Variants in FBN1 observed in about 807,000 individuals in gnomAD.
FBN1 encodes fibrillin-1.
A neutral mutation model predicts 365.1 loss-of-function variants in FBN1; 29 were observed. That is an observed-to-expected ratio of 0.08 (90% CI 0.06 to 0.11). FBN1 has a LOEUF of 0.11. Ranked by LOEUF, FBN1 falls within the 10% of genes least tolerant of loss-of-function variation. The pLI, the probability that FBN1 is intolerant of heterozygous loss-of-function variation, is 1.00. For synonymous variants in FBN1, 1,210 were observed against 1,270.5 expected, an observed-to-expected ratio of 0.95 and a Z score of 1.01; for missense variants, 2,476 against 3,703.2, an observed-to-expected ratio of 0.67 and a Z score of 8.60.
rs781331493 is a variant in FBN1, at chr15:48,463,878, C to A, written c.5065+21G>T. On this transcript the variant is annotated intron_variant, in intron 41 of 65. Coordinates refer to ENST00000316623, the MANE Select transcript of FBN1 (RefSeq NM_000138.5). ...GTAGATGAGAACCAAACATGCATTA[C>A]TGAGAAAAGCTTGGACTTACCCATG... 5 of 1,598,490 alleles carry A rather than the reference C, an allele frequency of 3.1e-6. No homozygotes were observed. The Admixed American group carries it at 8.5e-5, about 27-fold the overall frequency.
intron 2 of FBN1, among the ~76,000 whole-genome samples, chr15:48,637,131 C>A (rs1045189299): frequency 1.3e-5 from 2 of 152,188 alleles, no homozygotes; most frequent in African/African-American, 4.8e-5. Flanking sequence ...CTGGAACCAC[C>A]TGAGTCTCTT....
intron 43 of FBN1, among the ~76,000 whole-genome samples, chr15:48,457,140 T>G (rs1383612126): frequency 6.6e-6 from 1 of 151,924 alleles, no homozygotes; most frequent in Non-Finnish European, 1.5e-5. Flanking sequence ...AAGGCAGAGG[T>G]GAGCTGGTAA....
Position 48,430,692 on chromosome 15 carries a change from G to C in FBN1, c.6850C>G (p.Pro2284Ala), listed in dbSNP as rs2043016864. ...TTACCTACACAGCCTTCTCCATCAG[G>C]TCTCCGCTGATACCCGGGTCCACAG... ...CICGPGYQRRPDGEGCVDENE... is the reference protein window; with the variant it reads ...CICGPGYQRRADGEGCVDENE... Residue 2284 changes from proline (P) to alanine (A), a missense_variant, in exon 56 of 66, where the codon CCT (proline) becomes GCT (alanine). Pro to Ala is a conservative substitution (Grantham distance 27). Coordinates refer to ENST00000316623, the MANE Select transcript of FBN1 (RefSeq NM_000138.5). The C allele has an allele frequency of 6.2e-7, 1 of 1,613,860 alleles. No homozygotes were observed. Among genetic ancestry groups the C allele is most frequent in the Non-Finnish European group, 8.5e-7 (1 of 1,179,866 alleles).
At chr15:48,517,701 C>T (rs2043816861) in intron 10 of FBN1, among the ~76,000 whole-genome samples, 1 of 152,000 alleles carries the variant, frequency 6.6e-6, no homozygotes, top group African/African-American at 2.4e-5. Flanking sequence ...TCATAGTTCC[C>T]TTCTATAAGT....
chr15:48,514,681 C>T (rs2043786929), intron 12 of FBN1, among the ~76,000 whole-genome samples: 1 of 152,132 alleles, frequency 6.6e-6, no homozygotes, highest in Admixed American at 6.6e-5. Flanking sequence ...GTAAGCTACA[C>T]ATTTAGACTA....
At position 48,425,344 on chromosome 15, in the gene FBN1, G is replaced by A. The variant is rs746511904; in HGVS notation, c.7453+25C>T. The A allele has an allele frequency of 3.1e-6, 5 of 1,613,870 alleles. No individual in the cohort carries two copies. In the African/African-American group the frequency reaches 5.3e-5, roughly 17 times the overall value. ...CAGCCATGTGTCAGGAGCTAGGTGA[G>A]GGGCAATGGTCAATTCTACTTTACC... On this transcript the variant is annotated intron_variant, in intron 60 of 65. Transcript: ENST00000316623.
intron 8 of FBN1, chr15:48,529,632 GA>G (rs78206636): frequency 3.3e-5 from 5 of 152,086 alleles, no homozygotes; most frequent in African/African-American, 4.8e-5. Flanking sequence ...TACAATGAGA[GA>G]AAAAAACTAA....
At chr15:48,499,059 G>C in intron 17 of FBN1, 21 bp from the exon 18 acceptor site, 1 of 1,613,246 alleles carries the variant, frequency 6.2e-7, no homozygotes, top group East Asian at 2.2e-5. Flanking sequence ...TTAACAGATA[G>C]TAAATGATTC....
rs1225522581 is a variant in FBN1, at chr15:48,644,468, C to T, written c.164+138G>A. On this transcript the variant is annotated intron_variant, in intron 2 of 65. Coordinates refer to ENST00000316623, the MANE Select transcript of FBN1 (RefSeq NM_000138.5). ...AGTTTAACCACGAACGGGGTGGGGA[C>T]TAAACAACCCTAGCACCTCTAAGGT... 2.5e-6 allele frequency: 3 copies of T among 1,220,060 alleles called. No individual in the cohort carries two copies. The African/African-American group carries it at 4.5e-5, about 18-fold the overall frequency. 75.6% of individuals were successfully genotyped at this position (1,220,060 alleles called of 1,614,324 possible). A position where few individuals can be genotyped will look rare whatever the true frequency, so the allele number is the denominator to read the frequency against.
At position 48,410,119 on chromosome 15, in the gene FBN1, T is replaced by C. The variant is rs2042848547; in HGVS notation, c.*871A>G. The C allele has an allele frequency of 6.6e-6, 1 of 152,642 alleles. No homozygotes were observed. Among genetic ancestry groups the C allele is most frequent in the Non-Finnish European group, 1.5e-5 (1 of 68,044 alleles). The allele number at this position is 152,642 out of a possible 1,614,324, so 9.5% of individuals were successfully genotyped here. A position where few individuals can be genotyped will look rare whatever the true frequency, so the allele number is the denominator to read the frequency against. On this transcript the variant is annotated 3_prime_UTR_variant, in exon 66 of 66. Coordinates refer to ENST00000316623, the MANE Select transcript of FBN1 (RefSeq NM_000138.5). Reference sequence around the variant, plus strand: ...TTGTTTTATTGTGACATTTATGACATTGACCCCTTGTTGACAGGAATGACC... The same window carrying C: ...TTGTTTTATTGTGACATTTATGACACTGACCCCTTGTTGACAGGAATGACC...
chr15:48,511,594 T>C (rs930609332), intron 13 of FBN1, among the ~76,000 whole-genome samples: 6 of 152,376 alleles, frequency 3.9e-5, no homozygotes, highest in African/African-American at 1.4e-4. Flanking sequence ...ACTGTGTTTC[T>C]GCCCATCCTT....
chr15:48,415,492 G>T, intron 64 of FBN1, 44 bp downstream of exon 64: 2 of 1,404,200 alleles, frequency 1.4e-6, no homozygotes, highest in Non-Finnish European at 1.0e-6. Context: ...ATTATATTAC[G>T]AATGAAAGAA....
chr15:48,516,374 C>A lies in FBN1; in HGVS notation c.1148-12G>T. On this transcript the variant is annotated splice_polypyrimidine_tract_variant and intron_variant, in intron 10 of 65. Coordinates refer to ENST00000316623, the MANE Select transcript of FBN1 (RefSeq NM_000138.5). ...CTTGTTGAAATCCTCTAGAAAAACA[C>A]AACAAAACAAAACACAACAGCTGAG... 6.2e-7 allele frequency: 1 copy of A among 1,613,028 alleles called. No individual in the cohort carries two copies. The highest frequency in any genetic ancestry group is 8.5e-7 in the Non-Finnish European group (1 of 1,179,582).
intron 6 of FBN1, among the ~76,000 whole-genome samples, chr15:48,555,433 T>C (rs777384583): frequency 1.3e-5 from 2 of 152,216 alleles, no homozygotes; most frequent in Non-Finnish European, 2.9e-5. Flanking sequence ...ACCCTGCCTT[T>C]AAAAGCCTTC....
chr15:48,444,401 A>G, intron 49 of FBN1, 140 bp downstream of exon 49: 1 of 956,356 alleles, frequency 1.0e-6, no homozygotes, highest in Admixed American at 1.8e-5. Context: ...CAGAAGGATG[A>G]GACCATGTCA....
chr15:48,497,699 G>A (rs1189292236), intron 18 of FBN1, among the ~76,000 whole-genome samples: 2 of 152,012 alleles, frequency 1.3e-5, no homozygotes, highest in African/African-American at 4.8e-5. Flanking sequence ...TGGAAAAATG[G>A]ATCGACAGCA....
At chr15:48,417,445 T>TC (rs2042911117) in intron 63 of FBN1, among the ~76,000 whole-genome samples, 1 of 44,686 alleles carries the variant, frequency 2.2e-5, no homozygotes, top group Non-Finnish European at 3.9e-5. Context: ...CTCCCCTCCC[T>TC]CCTTTCCTTC....
rs1890263419 is a variant in FBN1, at chr15:48,644,758, C to A, written c.12G>T (p.Gly4=). 6.2e-7 allele frequency: 1 copy of A among 1,611,390 alleles called. No individual in the cohort carries two copies. The highest frequency in any genetic ancestry group is 1.1e-5 in the South Asian group (1 of 91,078). MRR[G]RLLEIALGFT... is the part of the protein sequence containing the mutation. ...ATCCCAGGGCGATCTCCAGCAGACG[C>A]CCTCGACGCATGATGCCGAGCCGCC... is the stretch of plus-strand genomic sequence containing the variant. Residue 4 remains glycine (G), a synonymous_variant, in exon 2 of 66, where the codon GGG becomes GGT. Transcript: ENST00000316623.
intron 30 of FBN1, among the ~76,000 whole-genome samples, chr15:48,484,354 T>C (rs1319217695): frequency 6.6e-6 from 1 of 152,034 alleles, no homozygotes; most frequent in Non-Finnish European, 1.5e-5. Flanking sequence ...ATGCTCTTAG[T>C]AATAATATTT....
Sources: allele counts gnomAD v4.1 joint callset (sites outside exome capture counted in the v4.1 genomes callset), GRCh38; gene constraint gnomAD v4.1.1; transcripts MANE v1.5; gene names NCBI Gene and HGNC (gene_info 2026-07-23, HGNC 2026-07-21).